The following KAZN variants were observed in gnomAD, a reference collection of about 807,000 sequenced individuals.
KAZN encodes the protein kazrin, periplakin interacting protein.
A neutral mutation model predicts 87.4 loss-of-function variants in KAZN; 40 were observed. That is an observed-to-expected ratio of 0.46 (90% CI 0.36 to 0.60). The LOEUF is 0.60. KAZN is among the 20% of genes least tolerant of loss of function. The pLI is 0.00. For missense variants in KAZN, 898 were observed against 1,073.9 expected (o/e 0.84, Z 2.29); for synonymous variants, 466 against 458.3 (o/e 1.02, Z -0.22).
chr1:14,293,412 A>G (rs1482079615), intron 2 of KAZN, among the ~76,000 whole-genome samples: 1 of 151,986 alleles, frequency 6.6e-6, no homozygotes, highest in Non-Finnish European at 1.5e-5. Context: ...TCTGCCTCTT[A>G]TTCATCATCT....
intron 4 of KAZN, among the ~76,000 whole-genome samples, chr1:15,053,991 A>G (rs1674680755): frequency 6.6e-6 from 1 of 152,154 alleles, no homozygotes; most frequent in African/African-American, 2.4e-5. Flanking sequence ...TTCACTATAC[A>G]GATGGGGAAA....
chr1:14,912,890 A>C (rs1367726713), intron 1 of KAZN, among the ~76,000 whole-genome samples: 2 of 152,198 alleles, frequency 1.3e-5, no homozygotes, highest in East Asian at 3.9e-4. Flanking sequence ...CTCCGTTTTA[A>C]AATGGGTATA....
chr1:14,840,656 A>G (rs1450265869), intron 1 of KAZN, among the ~76,000 whole-genome samples: 1 of 152,244 alleles, frequency 6.6e-6, no homozygotes, highest in Non-Finnish European at 1.5e-5. Flanking sequence ...TCATCCAGGC[A>G]GAAAGAGCGT....
intron 2 of KAZN, among the ~76,000 whole-genome samples, chr1:14,569,702 A>G (rs565727604): frequency 6.6e-6 from 1 of 152,230 alleles, no homozygotes; most frequent in East Asian, 1.9e-4. Flanking sequence ...TAAAATCACA[A>G]GTCATTAACA....
chr1:14,990,977 T>C (rs566467921), intron 2 of KAZN, among the ~76,000 whole-genome samples: 1 of 151,606 alleles, frequency 6.6e-6, no homozygotes, highest in South Asian at 2.1e-4. Flanking sequence ...GTGGGGGTGA[T>C]GTGTCTGCAC....
At chr1:14,629,938 G>T (rs555463383) in intron 1 of KAZN, among the ~76,000 whole-genome samples, 1 of 75,490 alleles carries the variant, frequency 1.3e-5, no homozygotes, top group Non-Finnish European at 2.6e-5. Context: ...CCACCTACCC[G>T]CCCCCCTGCC....
intron 2 of KAZN, among the ~76,000 whole-genome samples, chr1:14,300,769 C>T (rs970656303): frequency 7.9e-5 from 12 of 152,194 alleles, no homozygotes; most frequent in South Asian, 2.1e-4. Flanking sequence ...ACACTTTTTC[C>T]GAGGAACCAA....
intron 1 of KAZN, among the ~76,000 whole-genome samples, chr1:14,076,390 A>G (rs1643462006): frequency 6.6e-6 from 1 of 152,216 alleles, no homozygotes; most frequent in Non-Finnish European, 1.5e-5. Context: ...GAAGATTGCC[A>G]GCAAATGCCA....
At chr1:14,009,648 G>A (rs1640196477) in intron 1 of KAZN, among the ~76,000 whole-genome samples, 1 of 152,172 alleles carries the variant, frequency 6.6e-6, no homozygotes, top group Admixed American at 6.5e-5. Flanking sequence ...CAGTGGTCAG[G>A]TCAGGAGCCT....
intron 1 of KAZN, among the ~76,000 whole-genome samples, chr1:14,663,900 A>G (rs140943141): frequency 0.026 from 3,957 of 152,364 alleles, 70 homozygotes; most frequent in Non-Finnish European, 0.04. Context: ...TCAAAAGCCA[A>G]AAAAAGCTGG....
intron 1 of KAZN, among the ~76,000 whole-genome samples, chr1:13,956,957 TG>T (rs1641573563): frequency 6.6e-6 from 1 of 152,186 alleles, no homozygotes; most frequent in South Asian, 2.1e-4. Context: ...GTATTAATTT[TG>T]TCTGTATGTT....
intron 7 of KAZN, among the ~76,000 whole-genome samples, chr1:15,065,166 TG>T (rs1473785350): frequency 6.6e-6 from 1 of 151,326 alleles, no homozygotes; most frequent in Non-Finnish European, 1.5e-5. Flanking sequence ...GTAGCTGGGA[TG>T]ACAGGTGCCT....
At chr1:14,410,130 G>T (rs775125755) in intron 2 of KAZN, among the ~76,000 whole-genome samples, 1 of 152,124 alleles carries the variant, frequency 6.6e-6, no homozygotes, top group African/African-American at 2.4e-5. Flanking sequence ...TTGAGAGAGG[G>T]TCTTGCTCTG....
In KAZN at chr1:15,065,848, G is replaced by A. The variant is rs375134053; in HGVS notation, c.1222+95G>A. 122 of 1,569,402 alleles carry A rather than the reference G, an allele frequency of 7.8e-5. No individual in the cohort carries two copies. In the Admixed American group the frequency reaches 1.1e-3, roughly 15 times the overall value. On this transcript the variant is annotated intron_variant, in intron 8 of 14. Coordinates refer to ENST00000376030, the MANE Select transcript of KAZN (RefSeq NM_201628.3). ...CGCAGGCGTGTCTGTGCGTGTGGGC[G>A]TGTGTGCAAGCGAGCGTGGGTGCGC...
At chr1:14,726,801 T>G (rs933895088) in intron 1 of KAZN, among the ~76,000 whole-genome samples, 20 of 152,226 alleles carry the variant, frequency 1.3e-4, no homozygotes, top group Non-Finnish European at 2.6e-4. Flanking sequence ...CCAGACCTGC[T>G]GAATCAGAAA....
intron 1 of KAZN, among the ~76,000 whole-genome samples, chr1:14,049,750 A>G (rs927729084): frequency 6.6e-6 from 1 of 152,124 alleles, no homozygotes; most frequent in Non-Finnish European, 1.5e-5. Context: ...TGATGTGCAC[A>G]GAGCTCCGTC....
intron 2 of KAZN, among the ~76,000 whole-genome samples, chr1:14,564,667 G>C (rs1174346657): frequency 1.4e-5 from 2 of 144,876 alleles, no homozygotes; most frequent in African/African-American, 2.5e-5. Context: ...AAAAAAATTA[G>C]CTTGGAGTGG....
In KAZN at chr1:15,114,488, A is replaced by G; in HGVS notation, c.2181A>G (p.Ile727Met). The G allele has an allele frequency of 6.2e-7, 1 of 1,611,462 alleles. No individual in the cohort carries two copies. The highest frequency in any genetic ancestry group is 8.5e-7 in the Non-Finnish European group (1 of 1,178,730). Residue 727 changes from isoleucine (I) to methionine (M), a missense_variant, in exon 15 of 15, where the codon ATA becomes ATG. Ile to Met is a conservative substitution (Grantham distance 10, BLOSUM62 1). Coordinates refer to ENST00000376030, the MANE Select transcript of KAZN (RefSeq NM_201628.3). ...CTTCTCAGCTGCCCCTGGGGAAGAT[A>G]GGAAGGGGCTTCAGCAGCAAAGATC... Reference protein sequence around the residue: ...YKAGRLPLGKIGRGFSSKDPD... With the variant: ...YKAGRLPLGKMGRGFSSKDPD...
intron 2 of KAZN, among the ~76,000 whole-genome samples, chr1:14,222,294 T>C (rs755268782): frequency 3.9e-5 from 6 of 152,118 alleles, no homozygotes; most frequent in African/African-American, 1.4e-4. Flanking sequence ...TGGGGAACTG[T>C]GGGGGGAAAT....
Sources: allele counts gnomAD v4.1 joint callset (sites outside exome capture counted in the v4.1 genomes callset), GRCh38; gene constraint gnomAD v4.1.1; transcripts MANE v1.5; gene names NCBI Gene and HGNC (gene_info 2026-07-23, HGNC 2026-07-21).